Variants in TMEM222 observed in about 807,000 individuals in gnomAD.
The protein encoded by TMEM222 is chromosome 1 open reading frame 160.
Under a neutral mutation model 25.1 loss-of-function variants are expected in TMEM222, and 18 were observed. The ratio of observed to expected loss-of-function variants is 0.72; its 90% CI spans 0.50 to 1.06. The LOEUF (loss-of-function observed/expected upper bound fraction) is 1.06, where lower values mean the gene tolerates loss of function less well. TMEM222 is among the 50% of genes least tolerant of loss of function. The pLI, the probability that TMEM222 is intolerant of heterozygous loss-of-function variation, is 0.00. For missense variants in TMEM222, 296 were observed against 293.7 expected (o/e 1.01, Z -0.06); for synonymous variants, 131 against 117.9 (o/e 1.11, Z -0.72).
chr1:27,334,784 C>A, intron 5 of TMEM222: 2 of 1,130,216 alleles, frequency 1.8e-6, no homozygotes, highest in Non-Finnish European at 2.2e-6. Context: ...CCTCTCCAAG[C>A]TTTCCTCTTA....
At chr1:27,325,666 C>T in intron 1 of TMEM222, 1 of 835,202 alleles carries the variant, frequency 1.2e-6, no homozygotes, top group Non-Finnish European at 2.1e-6. Context: ...ATTGTGCCCC[C>T]AGAGTGCAAG....
At chr1:27,328,749 A>G (rs2014410816) in intron 1 of TMEM222, among the ~76,000 whole-genome samples, 1 of 152,166 alleles carries the variant, frequency 6.6e-6, no homozygotes, top group Non-Finnish European at 1.5e-5. Context: ...GTCCTTTCAC[A>G]GGTCAAGGTT....
At chr1:27,332,015 G>A in intron 2 of TMEM222, 55 bp from the exon 3 acceptor site, 1 of 1,606,380 alleles carries the variant, frequency 6.2e-7, no homozygotes, top group Non-Finnish European at 8.5e-7. Context: ...ACCCAGGTTT[G>A]TCATCTGGCC....
chr1:27,335,633 G>A lies in TMEM222; in HGVS notation c.*167G>A. 1 of 652,790 alleles carries A rather than the reference G, an allele frequency of 1.5e-6. No homozygotes were observed. The highest frequency in any genetic ancestry group is 2.7e-6 in the Non-Finnish European group (1 of 374,070). 40.4% of individuals were successfully genotyped at this position (652,790 alleles called of 1,614,324 possible). On this transcript the variant is annotated 3_prime_UTR_variant, in exon 6 of 6. Transcript: ENST00000374076. The stretch of plus-strand genomic sequence containing the variant: ...AAGGACTGAGGACCAGCATGAAGTG[G>A]GGGTTTGTTGTCTCCCTGCCTCTCA...
In TMEM222 at chr1:27,322,342, C is replaced by A; in HGVS notation, c.145C>A (p.Arg49=). ...CGGCGGCGTCGCCATGGATGTGGAACGGAGTCGCTTCCCCTACTGCGTGGT... is the reference window on the plus strand; with the variant it reads ...CGGCGGCGTCGCCATGGATGTGGAAAGGAGTCGCTTCCCCTACTGCGTGGT... ...GSGGVAMDVE[R]SRFPYCVVWT... is the part of the protein sequence containing the mutation. Residue 49 remains arginine (R), a synonymous_variant, in exon 1 of 6, where the codon CGG becomes AGG. Transcript: ENST00000374076. The A allele has an allele frequency of 2.0e-6, 3 of 1,533,946 alleles. No homozygotes were observed.
At chr1:27,327,016 G>A (rs1027948704) in intron 1 of TMEM222, among the ~76,000 whole-genome samples, 5 of 146,234 alleles carry the variant, frequency 3.4e-5, no homozygotes, top group African/African-American at 7.5e-5. Context: ...GGATTAGGGG[G>A]CAGAGATGGG....
At chr1:27,333,075 C>T (rs1420667433) in intron 3 of TMEM222, 1 of 335,814 alleles carries the variant, frequency 3.0e-6, no homozygotes, top group Non-Finnish European at 5.9e-6. Flanking sequence ...CCATCAGCTT[C>T]CCTGCCACTC....
At position 27,332,321 on chromosome 1, in the gene TMEM222, T is replaced by C. The variant is rs116058784; in HGVS notation, c.311+220T>C. On this transcript the variant is annotated intron_variant, in intron 3 of 5. Transcript: ENST00000374076. The stretch of plus-strand genomic sequence containing the variant: ...CCTTTACCTGTAGACCATCTGGGCC[T>C]TGCCACAGCTCTTCAGGTTTGTATT... The C allele has an allele frequency of 2.0e-3, 1,385 of 706,468 alleles. 14 individuals carry two copies. In the African/African-American group the frequency reaches 0.022, roughly 11 times the overall value. 43.8% of individuals were successfully genotyped at this position (706,468 alleles called of 1,614,324 possible).
chr1:27,325,472 T>G, intron 1 of TMEM222: 8 of 1,410,576 alleles, frequency 5.7e-6, no homozygotes, highest in Non-Finnish European at 8.0e-6. Flanking sequence ...CCTTCCTGGG[T>G]ATGGAATCTT....
rs1428474903 is a variant in TMEM222 at position 27,328,521 on chromosome 1, C to T, written c.195-2199C>T. Among the ~76,000 whole-genome samples the T allele has an allele frequency of 1.3e-5, 2 of 152,288 alleles. 1 individual carries two copies. Among genetic ancestry groups the T allele is most frequent in the African/African-American group, 4.8e-5 (2 of 41,548 alleles). Reference sequence around the variant, plus strand: ...TCAAGCTGTAGACCTGGAAGACCCCCATCCTGTCAGTCGTAAACTCTCCAG... The same window carrying T: ...TCAAGCTGTAGACCTGGAAGACCCCTATCCTGTCAGTCGTAAACTCTCCAG... On this transcript the variant is annotated intron_variant, in intron 1 of 5. Coordinates refer to ENST00000374076, the MANE Select transcript of TMEM222 (RefSeq NM_032125.3).
intron 1 of TMEM222, among the ~76,000 whole-genome samples, chr1:27,328,027 G>T (rs890980684): frequency 6.6e-6 from 1 of 152,222 alleles, no homozygotes; most frequent in Non-Finnish European, 1.5e-5. Flanking sequence ...CTCTCTTGGA[G>T]CTTATGTTCT....
chr1:27,333,739 C>T, intron 3 of TMEM222: 1 of 580,936 alleles, frequency 1.7e-6, no homozygotes, highest in East Asian at 2.9e-5. Context: ...AGCATAGCAC[C>T]CCCAATTTCA....
In TMEM222 at chr1:27,331,048, C is replaced by A. The variant is rs771872269; in HGVS notation, c.279+244C>A. 3.2e-5 allele frequency: 46 copies of A among 1,415,754 alleles called. No homozygotes were observed. In the South Asian group the frequency reaches 6.9e-4, roughly 21 times the overall value. The allele number at this position is 1,415,754 out of a possible 1,614,324, so 87.7% of individuals were successfully genotyped here. A position where few individuals can be genotyped will look rare whatever the true frequency, so the allele number is the denominator to read the frequency against. The stretch of plus-strand genomic sequence containing the variant: ...AGTAACTGACCCAGCCCTTTGCCCC[C>A]ACCCCTGGGGTACCGAGACATGGGT... On this transcript the variant is annotated intron_variant, in intron 2 of 5. Transcript: ENST00000374076.
In TMEM222 at chr1:27,333,701, A is replaced by G. The variant is rs560116886; in HGVS notation, c.312-257A>G. On this transcript the variant is annotated intron_variant, in intron 3 of 5. Coordinates refer to ENST00000374076, the MANE Select transcript of TMEM222 (RefSeq NM_032125.3). ...TCACCTTGAGGGTTAAGATTTCAAC[A>G]TATGAACTTGGGGACACAGACTTTC... 9.4e-6 allele frequency: 5 copies of G among 533,818 alleles called. No homozygotes were observed. The African/African-American group carries it at 9.5e-5, about 10-fold the overall frequency. The allele number at this position is 533,818 out of a possible 1,614,324, so 33.1% of individuals were successfully genotyped here. A position where few individuals can be genotyped will look rare whatever the true frequency, so the allele number is the denominator to read the frequency against.
At chr1:27,322,535 C>A (rs951958736) in intron 1 of TMEM222, 144 bp downstream of exon 1, 3 of 740,406 alleles carry the variant, frequency 4.1e-6, no homozygotes, top group Non-Finnish European at 5.8e-6. Flanking sequence ...CAGAACCCCG[C>A]CATCCATGTA....
chr1:27,332,170 C>A (rs1259907851), intron 3 of TMEM222, 69 bp downstream of exon 3: 1 of 1,584,794 alleles, frequency 6.3e-7, no homozygotes, highest in Non-Finnish European at 8.7e-7. Flanking sequence ...GCCAGGCCTT[C>A]TGGGGCACAG....
intron 3 of TMEM222, 42 bp downstream of exon 3, chr1:27,332,143 C>T (rs200637289): frequency 2.5e-5 from 41 of 1,612,754 alleles, no homozygotes; most frequent in Admixed American, 2.2e-4. Flanking sequence ...AGAGGCAGGT[C>T]GCTCCTGCCG....
At chr1:27,333,232 G>A (rs1270776625) in intron 3 of TMEM222, 1 of 433,796 alleles carries the variant, frequency 2.3e-6, no homozygotes, top group Non-Finnish European at 4.8e-6. Context: ...GGAGGGCTCA[G>A]TCACTTCAGT....
At chr1:27,332,383 C>G (rs1305172153) in intron 3 of TMEM222, 10 of 717,588 alleles carry the variant, frequency 1.4e-5, no homozygotes, top group Non-Finnish European at 2.6e-5. Flanking sequence ...AGGGAAGGGA[C>G]TTGGTCAAGG....
Sources: allele counts gnomAD v4.1 joint callset (sites outside exome capture counted in the v4.1 genomes callset), GRCh38; gene constraint gnomAD v4.1.1; transcripts MANE v1.5; gene names NCBI Gene and HGNC (gene_info 2026-07-23, HGNC 2026-07-21).